ZNF540: variants seen among roughly 807,000 people sequenced by gnomAD.
ZNF540 encodes the protein zinc finger protein 540, also known as CTD-3064H18.6.
ZNF540 carries 3 observed loss-of-function variants against 11.8 expected under a neutral mutation model. The ratio of observed to expected loss-of-function variants is 0.25; its 90% confidence interval spans 0.12 to 0.65. The LOEUF is 0.65. ZNF540 is among the 30% of genes least tolerant of loss of function. The pLI, the probability that ZNF540 is intolerant of heterozygous loss-of-function variation, is 0.83. For synonymous variants in ZNF540, 247 were observed against 259.0 expected (o/e 0.95, Z 0.45); for missense variants, 709 against 793.1 (o/e 0.89, Z 1.27).
intron 1 of ZNF540, among the ~76,000 whole-genome samples, chr19:37,576,804 TAAC>T (rs1028565938): frequency 2.0e-5 from 3 of 152,164 alleles, no homozygotes; most frequent in Non-Finnish European, 4.4e-5. Flanking sequence ...TTAATTAAAT[TAAC>T]AAAGTTATTC....
At chr19:37,609,133 G>A (rs1325345471) in intron 4 of ZNF540, among the ~76,000 whole-genome samples, 1 of 152,142 alleles carries the variant, frequency 6.6e-6, no homozygotes. Context: ...ATTCAACATG[G>A]CACATACCTG....
rs186834801 is a variant in ZNF540 at position 37,571,226 on chromosome 19, G to A, written c.-73+19561G>A. On this transcript the variant is annotated intron_variant, in intron 1 of 4. Coordinates refer to the ZNF540 transcript ENST00000592533. ...AAATTCAAACTACGATTCCAGGCAC[G>A]GTGGCTCATGCCTGTAATCCCAGCA... Among the ~76,000 whole-genome samples the A allele has an allele frequency of 7.9e-5, 12 of 152,158 alleles. No homozygotes were observed. In the East Asian group the frequency reaches 1.7e-3, roughly 22 times the overall value.
chr19:37,574,267 G>A (rs2043169563), intron 1 of ZNF540, among the ~76,000 whole-genome samples: 1 of 152,080 alleles, frequency 6.6e-6, no homozygotes, highest in South Asian at 2.1e-4. Context: ...TTTAAATCAT[G>A]CTTATTGTCA....
At chr19:37,592,742 C>G (rs1006138405), upstream of ZNF540, among the ~76,000 whole-genome samples, 3 of 152,190 alleles carry the variant, frequency 2.0e-5, no homozygotes, top group Non-Finnish European at 4.4e-5. Context: ...CATCAAACCT[C>G]TAGATCTAAC....
Position 37,612,412 on chromosome 19 carries a change from G to T in ZNF540, c.1132G>T (p.Ala378Ser). 1 of 1,613,476 alleles carries T rather than the reference G, an allele frequency of 6.2e-7. No individual in the cohort carries two copies. The highest frequency in any genetic ancestry group is 1.7e-5 in the Admixed American group (1 of 59,960). Residue 378 changes from alanine to serine, a missense_variant, in exon 5 of 5, where the codon GCA becomes TCA. Ala to Ser is a moderately conservative substitution (Grantham distance 99). Coordinates refer to ENST00000316433, the MANE Select transcript of ZNF540 (RefSeq NM_001172225.3). ...CCTTACTGAACACAGAAGAACTCAT[G>T]CAGGTAAGAAACCTTATGAATGTAA... is the stretch of plus-strand genomic sequence containing the variant. Reference protein sequence around the residue: ...FYLTEHRRTHAGKKPYECKEC... With the variant: ...FYLTEHRRTHSGKKPYECKEC...
chr19:37,597,448 A>G, intron 1 of ZNF540: 1 of 152,304 alleles, frequency 6.6e-6, no homozygotes, highest in Non-Finnish European at 1.5e-5. Context: ...TGTTTTTGAG[A>G]CGGAGTTTCA....
intron 1 of ZNF540, among the ~76,000 whole-genome samples, chr19:37,556,625 T>A (rs2042662418): frequency 6.6e-6 from 1 of 152,240 alleles, no homozygotes; most frequent in Admixed American, 6.5e-5. Context: ...GATGGGTTCC[T>A]TGAACAAGTG....
intron 4 of ZNF540, among the ~76,000 whole-genome samples, chr19:37,608,669 G>A (rs150885482): frequency 7.2e-4 from 109 of 152,222 alleles, no homozygotes; most frequent in African/African-American, 2.5e-3. Flanking sequence ...TAAGGTTTCC[G>A]CAGTCCCAGA....
At chr19:37,557,075 G>T (rs943238962) in intron 1 of ZNF540, among the ~76,000 whole-genome samples, 4 of 152,168 alleles carry the variant, frequency 2.6e-5, no homozygotes, top group Admixed American at 6.5e-5. Context: ...CTACCAAGTT[G>T]GCGGTTTCGT....
At chr19:37,592,317 C>T (rs1415468854), upstream of ZNF540, among the ~76,000 whole-genome samples, 1 of 152,184 alleles carries the variant, frequency 6.6e-6, no homozygotes, top group Admixed American at 6.5e-5. Flanking sequence ...GTCAGTGCTT[C>T]TCAATCCTTC....
intron 1 of ZNF540, chr19:37,563,513 A>C (rs1232839068): frequency 6.6e-6 from 1 of 152,022 alleles, no homozygotes; most frequent in African/African-American, 2.4e-5. Flanking sequence ...ATACACACAC[A>C]CATATACATA....
In ZNF540 at chr19:37,613,010, A is replaced by C; in HGVS notation, c.1730A>C (p.Lys577Thr). The C allele has an allele frequency of 6.2e-7, 1 of 1,614,198 alleles. No homozygotes were observed. The highest frequency in any genetic ancestry group is 1.1e-5 in the South Asian group (1 of 91,082). ...CATCAGAAAATTCATACGGGTGTAA[A>C]ACCATACAAATGTAAAGAATGTGGG... ...TEHQKIHTGV[K>T]PYKCKECGKA... is the part of the protein sequence containing the mutation. Residue 577 changes from lysine to threonine, a missense_variant, in exon 5 of 5, where the codon AAA becomes ACA. Physicochemically the swap from Lys to Thr is moderately conservative, Grantham distance 78. Transcript: ENST00000316433.
chr19:37,566,892 A>G (rs1196373262), intron 1 of ZNF540, among the ~76,000 whole-genome samples: 9 of 151,974 alleles, frequency 5.9e-5, no homozygotes, highest in Non-Finnish European at 8.8e-5. Flanking sequence ...GGCTCACAAG[A>G]CCCTACACAA....
rs917657159 is a variant in ZNF540, at chr19:37,601,106, G to A, written c.232+1G>A. ...GATGTGACAGGAAGACAGTGCCCCG[G>A]TGAGTTGAGAGTTCATCAGGCAGAT... is the stretch of plus-strand genomic sequence containing the variant. On this transcript the variant is annotated splice_donor_variant, in intron 4 of 4. Transcript: ENST00000316433. LOFTEE classifies it high-confidence loss of function. The A allele has an allele frequency of 6.4e-7, 1 of 1,570,848 alleles. No individual in the cohort carries two copies.
chr19:37,612,778 T>C lies in ZNF540; in HGVS notation c.1498T>C (p.Cys500Arg), dbSNP rs370533595. ...TDVKPYKCVR[C>R]GKTFRFGFYL... ...TGTGAAGCCCTACAAATGTGTACGA[T>C]GTGGGAAGACCTTTAGATTTGGTTT... The change falls in exon 5 of 5, where the codon TGT (cysteine) becomes CGT (arginine). Residue 500 changes from cysteine to arginine, a missense_variant. Cys to Arg is a radical substitution (Grantham distance 180). Transcript: ENST00000316433. 9.3e-6 allele frequency: 15 copies of C among 1,613,956 alleles called. No homozygotes were observed. The highest frequency in any genetic ancestry group is 5.0e-5 in the Admixed American group (3 of 60,000).
At chr19:37,555,166 A>T (rs1014115642) in intron 1 of ZNF540, 2 of 152,192 alleles carry the variant, frequency 1.3e-5, no homozygotes, top group African/African-American at 2.4e-5. Context: ...GCTGCCAGTG[A>T]AAGAGCCAAG....
In ZNF540 at chr19:37,612,501, T is replaced by C; in HGVS notation, c.1221T>C (p.Gly407=). Residue 407 remains glycine (G), a synonymous_variant, in exon 5 of 5, where the codon GGT becomes GGC. Coordinates refer to ENST00000316433, the MANE Select transcript of ZNF540 (RefSeq NM_001172225.3). ...QLNRHKTIHT[G]IKPFACKVCE... ...ATCGGCATAAAACAATCCATACTGG[T>C]ATAAAACCTTTTGCATGTAAGGTGT... The C allele has an allele frequency of 6.2e-7, 1 of 1,614,148 alleles. No individual in the cohort carries two copies. The highest frequency in any genetic ancestry group is 8.5e-7 in the Non-Finnish European group (1 of 1,180,024).
chr19:37,580,324 G>GAA (rs2043408572), intron 1 of ZNF540, among the ~76,000 whole-genome samples: 1 of 152,172 alleles, frequency 6.6e-6, no homozygotes, highest in East Asian at 1.9e-4. Context: ...AATAGCTGCA[G>GAA]TCTTCACCAT....
intron 1 of ZNF540, among the ~76,000 whole-genome samples, chr19:37,568,572 T>C (rs1257156548): frequency 6.6e-6 from 1 of 152,128 alleles, no homozygotes; most frequent in African/African-American, 2.4e-5. Flanking sequence ...AATATTAATC[T>C]AATATGATTC....
Sources: gnomAD v4.1 joint callset for allele counts (sites outside exome capture counted in the v4.1 genomes callset) on GRCh38, gnomAD v4.1.1 for gene constraint, MANE v1.5 for transcripts, NCBI Gene and HGNC (gene_info 2026-07-23, HGNC 2026-07-21) for gene names.